NEMF: variants seen among roughly 807,000 people sequenced by gnomAD.
The protein encoded by NEMF is ribosome quality control complex subunit NEMF.
Under a neutral mutation model 162.2 loss-of-function variants are expected in NEMF, and 89 were observed. The ratio of observed to expected loss-of-function variants is 0.55; its 90% CI spans 0.46 to 0.65. The LOEUF is 0.65. NEMF is among the 30% of genes least tolerant of loss of function. The pLI is 0.00. For missense variants in NEMF, 1,133 were observed against 1,261.9 expected, an observed-to-expected ratio of 0.90 and a Z score of 1.55; for synonymous variants, 421 against 404.5, an observed-to-expected ratio of 1.04 and a Z score of -0.49.
At chr14:49,808,465 G>A (rs777857413) in intron 18 of NEMF, among the ~76,000 whole-genome samples, 13 of 152,074 alleles carry the variant, frequency 8.5e-5, no homozygotes, top group Non-Finnish European at 1.5e-4. Flanking sequence ...ATGAGCCACC[G>A]TGCCGGGCTG....
intron 16 of NEMF, among the ~76,000 whole-genome samples, chr14:49,822,352 A>G (rs1424858866): frequency 7.5e-5 from 11 of 145,792 alleles, no homozygotes; most frequent in Non-Finnish European, 1.7e-4. Context: ...AAAAAAGAGG[A>G]AAAAAAAAAA....
intron 7 of NEMF, chr14:49,834,101 G>GTTTTTTT: frequency 1.8e-6 from 1 of 552,998 alleles, no homozygotes; most frequent in Non-Finnish European, 3.4e-6. Flanking sequence ...TTTTTGTGGG[G>GTTTTTTT]TTTTTTGAGA....
chr14:49,787,952 A>AT (rs1363053764), intron 28 of NEMF, among the ~76,000 whole-genome samples: 35 of 152,158 alleles, frequency 2.3e-4, no homozygotes, highest in African/African-American at 8.2e-4. Flanking sequence ...AAAGGTAAAA[A>AT]TTTTTTATCT....
intron 25 of NEMF, among the ~76,000 whole-genome samples, chr14:49,796,774 C>G (rs1230812556): frequency 6.6e-6 from 1 of 152,216 alleles, no homozygotes; most frequent in Admixed American, 6.5e-5. Context: ...AAATTTACTT[C>G]TCCAATCATA....
chr14:49,841,786 A>T (rs968699592), intron 4 of NEMF, among the ~76,000 whole-genome samples: 1 of 152,152 alleles, frequency 6.6e-6, no homozygotes, highest in Non-Finnish European at 1.5e-5. Context: ...ACACTCCAGT[A>T]AAACCAAAGG....
chr14:49,784,747 C>G, intron 32 of NEMF, 34 bp from the exon 33 acceptor site: 1 of 1,543,644 alleles, frequency 6.5e-7, no homozygotes, highest in Non-Finnish European at 8.9e-7. Context: ...ATCTTCACAT[C>G]CTGTATGGTC....
chr14:49,818,770 C>CTAAG (rs1176735718), intron 16 of NEMF, among the ~76,000 whole-genome samples: 16 of 151,878 alleles, frequency 1.1e-4, no homozygotes, highest in Non-Finnish European at 1.9e-4. Flanking sequence ...CTATTATTTC[C>CTAAG]ACTGGGCTCC....
At chr14:49,799,845 T>C (rs1890875600) in intron 23 of NEMF, among the ~76,000 whole-genome samples, 167 bp from the exon 24 acceptor site, 1 of 152,170 alleles carries the variant, frequency 6.6e-6, no homozygotes, top group Non-Finnish European at 1.5e-5. Context: ...TCTCCACACT[T>C]CCATATACAT....
At chr14:49,808,911 C>T (rs978890941) in intron 18 of NEMF, among the ~76,000 whole-genome samples, 7 of 152,078 alleles carry the variant, frequency 4.6e-5, no homozygotes, top group Non-Finnish European at 1.0e-4. Context: ...ATATGAATAT[C>T]TAATAAGCAT....
In NEMF at chr14:49,828,462, A is replaced by G. The variant is rs1318394658; in HGVS notation, c.1425-108T>C. 6.2e-6 allele frequency: 6 copies of G among 968,864 alleles called. No homozygotes were observed. In the East Asian group the frequency reaches 1.6e-4, roughly 26 times the overall value. The allele number at this position is 968,864 out of a possible 1,614,324, so 60.0% of individuals were successfully genotyped here. ...AAATTATACAGAACAAATCAGAACAAACTGTATAATTAACAAAACTAAATT... is the reference window on the plus strand; with the variant it reads ...AAATTATACAGAACAAATCAGAACAGACTGTATAATTAACAAAACTAAATT... On this transcript the variant is annotated intron_variant, in intron 14 of 32. Coordinates refer to ENST00000298310, the MANE Select transcript of NEMF (RefSeq NM_004713.6).
intron 1 of NEMF, among the ~76,000 whole-genome samples, 191 bp from the exon 2 acceptor site, chr14:49,852,066 G>C (rs1057023863): frequency 1.3e-5 from 2 of 152,032 alleles, no homozygotes; most frequent in South Asian, 4.1e-4. Flanking sequence ...AAACAGAAGT[G>C]GTCTATCAGC....
intron 28 of NEMF, among the ~76,000 whole-genome samples, chr14:49,788,858 C>G (rs1890310321): frequency 6.6e-6 from 1 of 152,040 alleles, no homozygotes. Flanking sequence ...TGCCAGGCCT[C>G]TCTGTCTTAA....
intron 16 of NEMF, among the ~76,000 whole-genome samples, 155 bp downstream of exon 16, chr14:49,825,712 G>C (rs1594777583): frequency 6.6e-6 from 1 of 152,122 alleles, no homozygotes; most frequent in African/African-American, 2.4e-5. Context: ...TTCCACCCTG[G>C]GTGACAGAGA....
intron 22 of NEMF, 96 bp from the exon 23 acceptor site, chr14:49,800,792 T>C (rs1197965915): frequency 3.4e-6 from 4 of 1,191,336 alleles, no homozygotes; most frequent in Non-Finnish European, 4.7e-6. Flanking sequence ...GTTTCTCCCA[T>C]ATTTCTCCAA....
At chr14:49,814,191 C>G in intron 17 of NEMF, 141 bp from the exon 18 acceptor site, 1 of 574,056 alleles carries the variant, frequency 1.7e-6, no homozygotes, top group South Asian at 2.0e-5. Flanking sequence ...CTTCTGCCCC[C>G]AAGGTTCAGG....
intron 3 of NEMF, among the ~76,000 whole-genome samples, chr14:49,847,412 C>T (rs908776396): frequency 2.0e-5 from 3 of 151,718 alleles, no homozygotes; most frequent in African/African-American, 7.3e-5. Context: ...CCACGTTGCC[C>T]AGGCTGGTCT....
chr14:49,815,646 T>C (rs913423847), intron 16 of NEMF, among the ~76,000 whole-genome samples: 1 of 152,118 alleles, frequency 6.6e-6, no homozygotes, highest in African/African-American at 2.4e-5. Context: ...CACATACTCA[T>C]GGTTGAATAA....
chr14:49,810,095 G>A (rs1256788037), intron 18 of NEMF, among the ~76,000 whole-genome samples: 4 of 151,590 alleles, frequency 2.6e-5, no homozygotes, highest in African/African-American at 9.7e-5. Flanking sequence ...GAGGCCGGGT[G>A]CGGTGGCTCG....
rs1893158661 is a variant in NEMF, at chr14:49,840,711, A to G, written c.506+7T>C. 2 of 1,609,790 alleles carry G rather than the reference A, an allele frequency of 1.2e-6. No homozygotes were observed. The highest frequency in any genetic ancestry group is 2.2e-5 in the East Asian group (1 of 44,794). Reference sequence around the variant, plus strand: ...TACGAAATGGGTTTAAAAACAAAACACTTTACCTTTCCAAAGTAAGCAAAG... The same window carrying G: ...TACGAAATGGGTTTAAAAACAAAACGCTTTACCTTTCCAAAGTAAGCAAAG... On this transcript the variant is annotated splice_region_variant and intron_variant, in intron 5 of 32. Transcript: ENST00000298310.
Sources: gnomAD v4.1 joint callset for allele counts (sites outside exome capture counted in the v4.1 genomes callset) on GRCh38, gnomAD v4.1.1 for gene constraint, MANE v1.5 for transcripts, NCBI Gene and HGNC (gene_info 2026-07-23, HGNC 2026-07-21) for gene names.